Variants in RBM18 observed in about 807,000 individuals in gnomAD.
RBM18 encodes probable RNA-binding protein 18.
In RBM18, 18 loss-of-function variants were observed where a neutral mutation model predicts 26.4. That is an observed-to-expected ratio of 0.68 (90% confidence interval 0.47 to 1.01). The LOEUF is 1.01. Among genes scored for constraint, RBM18 ranks in the 50% least tolerant of loss-of-function variants. The pLI, the probability that RBM18 is intolerant of heterozygous loss-of-function variation, is 0.00. For synonymous variants in RBM18, 74 were observed against 81.1 expected (o/e 0.91, Z 0.47); for missense variants, 180 against 219.2 (o/e 0.82, Z 1.13).
intron 3 of RBM18, among the ~76,000 whole-genome samples, chr9:122,249,617 G>A (rs1362429062): frequency 6.6e-6 from 1 of 151,862 alleles, no homozygotes; most frequent in Non-Finnish European, 1.5e-5. Flanking sequence ...GCTGAGGTGG[G>A]AGAACTGCTT....
In RBM18 at chr9:122,239,583, A is replaced by C. The variant is rs1831378616; in HGVS notation, c.*2301T>G. The C allele has an allele frequency of 6.6e-6, 1 of 152,270 alleles. No homozygotes were observed. Among genetic ancestry groups the C allele is most frequent in the African/African-American group, 2.4e-5 (1 of 41,476 alleles). The allele number at this position is 152,270 out of a possible 1,614,324, so 9.4% of individuals were successfully genotyped here. Reference sequence around the variant, plus strand: ...AGTAAACCAAAGAATAATTTTACTTAAAGTACAGACAACCTCCTAACAAAG... The same window carrying C: ...AGTAAACCAAAGAATAATTTTACTTCAAGTACAGACAACCTCCTAACAAAG... On this transcript the variant is annotated 3_prime_UTR_variant, in exon 6 of 6. Coordinates refer to ENST00000417201, the MANE Select transcript of RBM18 (RefSeq NM_033117.4).
chr9:122,243,686 A>G (rs1473754532), intron 5 of RBM18: 1 of 972,746 alleles, frequency 1.0e-6, no homozygotes, highest in Non-Finnish European at 1.2e-6. Context: ...CTCGAAAGGT[A>G]TACATGGGCG....
chr9:122,252,748 G>A (rs1831624748), intron 2 of RBM18, among the ~76,000 whole-genome samples: 1 of 152,220 alleles, frequency 6.6e-6, no homozygotes, highest in African/African-American at 2.4e-5. Flanking sequence ...GTCAAGTAAA[G>A]AATACAGATG....
Position 122,240,339 on chromosome 9 carries a change from TACAG to T in RBM18, c.*1541_*1544del, listed in dbSNP as rs1468394234. The T allele has an allele frequency of 6.6e-6, 1 of 152,160 alleles. No homozygotes were observed. The highest frequency in any genetic ancestry group is 6.5e-5 in the Admixed American group (1 of 15,276). 9.4% of individuals were successfully genotyped at this position (152,160 alleles called of 1,614,324 possible). On this transcript the variant is annotated 3_prime_UTR_variant, in exon 6 of 6. Transcript: ENST00000417201. ...ATCATAGACAGACACAGCTAATACA[TACAG>T]AAAGTATTTGATGTCTAGAGATATT...
At chr9:122,247,454 C>A (rs1022618708) in intron 4 of RBM18, 64 bp downstream of exon 4, 10 of 1,391,788 alleles carry the variant, frequency 7.2e-6, no homozygotes, top group African/African-American at 1.4e-5. Context: ...GGTAAGTGGA[C>A]AACCATCTTT....
chr9:122,252,864 G>C (rs1308109160), intron 2 of RBM18, among the ~76,000 whole-genome samples: 4 of 152,150 alleles, frequency 2.6e-5, no homozygotes, highest in Non-Finnish European at 5.9e-5. Context: ...AACTTACTTG[G>C]TTTCTACAGA....
At chr9:122,254,318 T>A in intron 2 of RBM18, 1 of 964,612 alleles carries the variant, frequency 1.0e-6, no homozygotes, top group East Asian at 1.1e-4. Context: ...TCTTTCAACT[T>A]CTCCAGGATT....
chr9:122,253,262 T>C (rs922758061), intron 2 of RBM18, among the ~76,000 whole-genome samples: 2 of 152,174 alleles, frequency 1.3e-5, no homozygotes, highest in African/African-American at 4.8e-5. Flanking sequence ...CCATACACTA[T>C]ACTAAATTTG....
Position 122,247,618 on chromosome 9 carries a change from G to A in RBM18, c.241-14C>T, listed in dbSNP as rs1831525238. On this transcript the variant is annotated splice_polypyrimidine_tract_variant and intron_variant, in intron 3 of 5. Transcript: ENST00000417201. The stretch of plus-strand genomic sequence containing the variant: ...TTGCTCTGCTTCCTGTCCAGGAAAG[G>A]GACAAATGTTAGTTAAAAACTGAAA... 3 of 1,608,772 alleles carry A rather than the reference G, an allele frequency of 1.9e-6. No individual in the cohort carries two copies. The highest frequency in any genetic ancestry group is 2.6e-6 in the Non-Finnish European group (3 of 1,175,622).
chr9:122,248,036 C>T (rs772724693), intron 3 of RBM18, among the ~76,000 whole-genome samples: 1 of 152,060 alleles, frequency 6.6e-6, no homozygotes, highest in Admixed American at 6.5e-5. Flanking sequence ...TCCGCCCCCT[C>T]GGCTTCCCAA....
intron 2 of RBM18, among the ~76,000 whole-genome samples, chr9:122,258,095 G>C (rs1831727144): frequency 6.6e-6 from 1 of 152,160 alleles, no homozygotes; most frequent in Admixed American, 6.5e-5. Flanking sequence ...CATGCCCTCA[G>C]AGGAACAAGA....
intron 2 of RBM18, among the ~76,000 whole-genome samples, chr9:122,258,568 T>C (rs564792912): frequency 6.6e-6 from 1 of 152,220 alleles, no homozygotes; most frequent in Admixed American, 6.5e-5. Flanking sequence ...TGCTCAGTGG[T>C]AGTTATATCT....
rs1831385370 is a variant in RBM18 at position 122,239,881 on chromosome 9, C to G, written c.*2003G>C. ...AGTTTGACTCTCTAGCCAGAACCCT[C>G]TGCAGAGAAGGCACTTAGAAGAAGC... is the stretch of plus-strand genomic sequence containing the variant. On this transcript the variant is annotated 3_prime_UTR_variant, in exon 6 of 6. Coordinates refer to ENST00000417201, the MANE Select transcript of RBM18 (RefSeq NM_033117.4). 6.6e-6 allele frequency: 1 copy of G among 152,244 alleles called. No individual in the cohort carries two copies. Among genetic ancestry groups the G allele is most frequent in the Non-Finnish European group, 1.5e-5 (1 of 68,056 alleles). 9.4% of individuals were successfully genotyped at this position (152,244 alleles called of 1,614,324 possible). A position where few individuals can be genotyped will look rare whatever the true frequency, so the allele number is the denominator to read the frequency against.
chr9:122,257,553 G>A lies in RBM18; in HGVS notation c.113+3827C>T, dbSNP rs553796113. 1.3e-4 allele frequency among the ~76,000 whole-genome samples: 20 copies of A among 152,266 alleles called. No homozygotes were observed. In the South Asian group the frequency reaches 4.1e-3, roughly 32 times the overall value. On this transcript the variant is annotated intron_variant, in intron 2 of 5. Transcript: ENST00000417201. ...ATATTCTGTTGGGAGGAGACTGATA[G>A]ACATCCTAGTGTAACTTGAGCAGGA...
At chr9:122,245,157 A>G in intron 5 of RBM18, 99 bp downstream of exon 5, 6 of 724,246 alleles carry the variant, frequency 8.3e-6, no homozygotes, top group Non-Finnish European at 1.2e-5. Context: ...AATAAATTCT[A>G]AGAGTCTGAA....
intron 2 of RBM18, among the ~76,000 whole-genome samples, chr9:122,258,908 C>CAAAAAAAAAAAAAAAA (rs11453707): frequency 9.1e-6 from 1 of 109,378 alleles, no homozygotes; most frequent in Non-Finnish European, 1.8e-5. Context: ...ACAGAGCTGT[C>CAAAAAAAAAAAAAAAA]AAAAAAAAAA....
rs1831382293 is a variant in RBM18, at chr9:122,239,752, A to T, written c.*2132T>A. 6.6e-6 allele frequency: 1 copy of T among 152,220 alleles called. No individual in the cohort carries two copies. The highest frequency in any genetic ancestry group is 1.5e-5 in the Non-Finnish European group (1 of 68,034). The allele number at this position is 152,220 out of a possible 1,614,324, so 9.4% of individuals were successfully genotyped here. On this transcript the variant is annotated 3_prime_UTR_variant, in exon 6 of 6. Coordinates refer to ENST00000417201, the MANE Select transcript of RBM18 (RefSeq NM_033117.4). ...ATACTTGCAGAGATTTCCATTAACA[A>T]CTTCTTTTCAAATAGTGACATTTGC...
In RBM18 at chr9:122,241,847, A is replaced by C; in HGVS notation, c.*37T>G. Reference sequence around the variant, plus strand: ...CAGGCAGACGATTTTAGGTGTGGAGACCAATTTGCTTTTGCTGCTACAGTA... The same window carrying C: ...CAGGCAGACGATTTTAGGTGTGGAGCCCAATTTGCTTTTGCTGCTACAGTA... On this transcript the variant is annotated 3_prime_UTR_variant, in exon 6 of 6. Coordinates refer to ENST00000417201, the MANE Select transcript of RBM18 (RefSeq NM_033117.4). The C allele has an allele frequency of 6.2e-7, 1 of 1,602,182 alleles. No homozygotes were observed. The highest frequency in any genetic ancestry group is 8.5e-7 in the Non-Finnish European group (1 of 1,172,346).
intron 3 of RBM18, among the ~76,000 whole-genome samples, chr9:122,250,244 C>T (rs1200935507): frequency 1.3e-5 from 2 of 152,088 alleles, no homozygotes; most frequent in East Asian, 1.9e-4. Flanking sequence ...CATACAATCT[C>T]AGAACATACT....
Sources: gnomAD v4.1 joint callset for allele counts (sites outside exome capture counted in the v4.1 genomes callset) on GRCh38, gnomAD v4.1.1 for gene constraint, MANE v1.5 for transcripts, NCBI Gene and HGNC (gene_info 2026-07-23, HGNC 2026-07-21) for gene names.